Variants in MAP4 observed in about 807,000 individuals in gnomAD.
The protein encoded by MAP4 is microtubule associated protein 4.
A neutral mutation model predicts 170.2 loss-of-function variants in MAP4; 76 were observed. The ratio of observed to expected loss-of-function variants is 0.45; its 90% CI spans 0.37 to 0.54. MAP4 has a LOEUF of 0.54. Among genes scored for constraint, MAP4 ranks in the 20% least tolerant of loss-of-function variants. MAP4 has a pLI of 0.00. For synonymous variants in MAP4, 909 were observed against 994.5 expected (o/e 0.91, Z 1.62); for missense variants, 2,506 against 2,748.0 (o/e 0.91, Z 1.97).
At chr3:48,051,839 CA>C (rs1385033181) in intron 1 of MAP4, among the ~76,000 whole-genome samples, 1 of 152,192 alleles carries the variant, frequency 6.6e-6, no homozygotes. Context: ...ATACATTTAA[CA>C]ATTTTACATA....
rs541477235 is a variant in MAP4 at position 48,070,015 on chromosome 3, C to A, written c.-20+18758G>T. On this transcript the variant is annotated intron_variant, in intron 1 of 18. Transcript: ENST00000360240. ...CTGAGACAGGGTCTCACTCCATTAC[C>A]CAGGCTAGAATGTAGTGGCACGATC... 2.6e-5 allele frequency among the ~76,000 whole-genome samples: 4 copies of A among 152,112 alleles called. No individual in the cohort carries two copies. The East Asian group carries it at 7.7e-4, about 29-fold the overall frequency.
At chr3:48,006,551 A>ACCC (rs1373225039) in intron 1 of MAP4, among the ~76,000 whole-genome samples, 1 of 152,112 alleles carries the variant, frequency 6.6e-6, no homozygotes, top group East Asian at 1.9e-4. Flanking sequence ...AGCTGGCAAA[A>ACCC]CCCCCACACT....
rs1210208710 is a variant in MAP4 at position 47,910,862 on chromosome 3, T to C, written c.3559A>G (p.Asn1187Asp). The change falls in exon 9 of 21, where the codon AAC becomes GAC. Residue 1187 changes from asparagine to aspartate, a missense_variant. Around this residue, in one of 3 missense-constraint regions of MAP4, gnomAD observed 2,008 missense variants for 2,206.0 expected, o/e 0.91. Coordinates refer to ENST00000683076, the MANE Select transcript of MAP4 (RefSeq NM_001385682.1). ...GDVVKDMGVN[N>D]QSKEGRCPWK... is the part of the protein sequence containing the mutation. ...GGACACCTTCCTTCCTTGCTCTGGT[T>C]ATTGACACCCATATCTTTGACTACA... The C allele has an allele frequency of 1.3e-6, 2 of 1,536,056 alleles. No individual in the cohort carries two copies. Among genetic ancestry groups the C allele is most frequent in the Admixed American group, 3.9e-5 (2 of 50,986 alleles).
At chr3:48,084,221 AAAAG>A (rs1004535959) in intron 1 of MAP4, among the ~76,000 whole-genome samples, 5 of 151,162 alleles carry the variant, frequency 3.3e-5, no homozygotes, top group African/African-American at 1.2e-4. Flanking sequence ...AAAAAAAAAA[AAAAG>A]AATAAGAACA....
chr3:48,075,336 C>T (rs1162713058), intron 1 of MAP4, among the ~76,000 whole-genome samples: 1 of 151,860 alleles, frequency 6.6e-6, no homozygotes, highest in African/African-American at 2.4e-5. Context: ...ACCCGTCTGA[C>T]CAAAATGGTG....
chr3:48,001,737 G>A (rs1466165952), intron 1 of MAP4, among the ~76,000 whole-genome samples: 1 of 152,122 alleles, frequency 6.6e-6, no homozygotes, highest in Non-Finnish European at 1.5e-5. Context: ...TGACCTCAAA[G>A]TGATCCACCC....
intron 10 of MAP4, chr3:47,890,911 A>G: frequency 1.2e-6 from 1 of 818,876 alleles, no homozygotes. Context: ...TTCCCCAGGC[A>G]GTCACAGAAC....
chr3:48,080,662 C>T lies in MAP4; in HGVS notation c.-20+8111G>A, dbSNP rs976838581. On this transcript the variant is annotated intron_variant, in intron 1 of 18. Coordinates refer to the MAP4 transcript ENST00000360240. Reference sequence around the variant, plus strand: ...AGGAATTCAAGACCGGCCTGAGCAACATAGCAAGACTCTGTCTCTTAAAAA... The same window carrying T: ...AGGAATTCAAGACCGGCCTGAGCAATATAGCAAGACTCTGTCTCTTAAAAA... 2.6e-5 allele frequency among the ~76,000 whole-genome samples: 4 copies of T among 152,212 alleles called. No individual in the cohort carries two copies. In the East Asian group the frequency reaches 7.7e-4, roughly 29 times the overall value.
At chr3:47,934,512 G>A (rs532676047) in intron 3 of MAP4, among the ~76,000 whole-genome samples, 1 of 152,250 alleles carries the variant, frequency 6.6e-6, no homozygotes, top group South Asian at 2.1e-4. Flanking sequence ...ATGTTACCTA[G>A]GCTGGTCTTG....
rs998484957 is a variant in MAP4 at position 47,938,664 on chromosome 3, A to C, written c.293-10314T>G. Among the ~76,000 whole-genome samples the C allele has an allele frequency of 2.0e-5, 3 of 152,342 alleles. No individual in the cohort carries two copies. The East Asian group carries it at 5.8e-4, about 29-fold the overall frequency. On this transcript the variant is annotated intron_variant, in intron 3 of 20. Coordinates refer to ENST00000683076, the MANE Select transcript of MAP4 (RefSeq NM_001385682.1). The stretch of plus-strand genomic sequence containing the variant: ...CTCCCAAAGTGCTAGGATTACATGC[A>C]TGAGCCTCTATACCAGGCCCATATT...
At chr3:47,922,093 GC>G (rs1315637851) in intron 4 of MAP4, among the ~76,000 whole-genome samples, 1 of 151,886 alleles carries the variant, frequency 6.6e-6, no homozygotes, top group Non-Finnish European at 1.5e-5. Flanking sequence ...GATTACAGAT[GC>G]CCGCCACCAT....
At chr3:47,894,134 T>G (rs2100025541) in intron 10 of MAP4, among the ~76,000 whole-genome samples, 1 of 152,080 alleles carries the variant, frequency 6.6e-6, no homozygotes, top group African/African-American at 2.4e-5. Context: ...GATCTTGAGC[T>G]GTTTAGTAAC....
chr3:48,052,485 G>A (rs1315589619), intron 1 of MAP4, among the ~76,000 whole-genome samples: 1 of 152,212 alleles, frequency 6.6e-6, no homozygotes, highest in East Asian at 1.9e-4. Context: ...GCATCCCAAA[G>A]TGCTGGGATT....
chr3:47,892,485 G>A (rs1328910592), intron 10 of MAP4: 3 of 1,526,540 alleles, frequency 2.0e-6, no homozygotes, highest in Non-Finnish European at 2.6e-6. Flanking sequence ...TTGTCTGAGA[G>A]CGACATCGTC....
At chr3:47,930,206 G>A (rs1353238977) in intron 3 of MAP4, among the ~76,000 whole-genome samples, 1 of 152,050 alleles carries the variant, frequency 6.6e-6, no homozygotes, top group Non-Finnish European at 1.5e-5. Flanking sequence ...AGCACTTTGG[G>A]AGGCCGAGGC....
intron 18 of MAP4, among the ~76,000 whole-genome samples, chr3:47,856,670 G>A (rs915006568): frequency 2.6e-5 from 4 of 152,162 alleles, no homozygotes; most frequent in Non-Finnish European, 5.9e-5. Context: ...CAAGTGATCC[G>A]CCCGCTTTGG....
In MAP4 at chr3:47,910,627, G is replaced by T. The variant is rs1283064266; in HGVS notation, c.3794C>A (p.Pro1265His). 6.5e-7 allele frequency: 1 copy of T among 1,536,040 alleles called. No individual in the cohort carries two copies. The highest frequency in any genetic ancestry group is 2.0e-5 in the Admixed American group (1 of 50,980). Residue 1265 changes from proline (P) to histidine (H), a missense_variant, in exon 9 of 21, where the codon CCC (proline) becomes CAC (histidine). By Grantham distance (77) the Pro-to-His change is moderately conservative (BLOSUM62 -2). This residue lies in a region of MAP4 where 2,008 missense variants were observed against 2,206.0 expected (regional missense o/e 0.91). Transcript: ENST00000683076. ...HKSKEIGFTF[P>H]KMHDSSFSHT... The stretch of plus-strand genomic sequence containing the variant: ...TGAGAACGAAGAATCATGCATTTTG[G>T]GGAAAGTAAATCCTATTTCCTTGCT...
At chr3:48,037,511 C>T (rs527752543) in intron 1 of MAP4, among the ~76,000 whole-genome samples, 6 of 152,110 alleles carry the variant, frequency 3.9e-5, no homozygotes, top group Admixed American at 6.6e-5. Flanking sequence ...CCTCCCACCT[C>T]AGCCTCCCAA....
chr3:48,002,087 C>A (rs1216955162), intron 1 of MAP4, among the ~76,000 whole-genome samples: 4 of 151,938 alleles, frequency 2.6e-5, no homozygotes, highest in Non-Finnish European at 5.9e-5. Context: ...GTAGTTCTAG[C>A]CTTTCAGGAG....
Sources: gnomAD v4.1 joint callset for allele counts (sites outside exome capture counted in the v4.1 genomes callset) on GRCh38, gnomAD v4.1.1 for gene constraint, gnomAD v4.1.1 regional missense constraint, MANE v1.5 for transcripts, NCBI Gene and HGNC (gene_info 2026-07-23, HGNC 2026-07-21) for gene names.